Variants in ARID3A observed in about 807,000 individuals in gnomAD.
ARID3A encodes the protein AT-rich interactive domain-containing protein 3A.
In ARID3A, 11 loss-of-function variants were observed where a neutral mutation model predicts 52.7. The observed-to-expected ratio is 0.21, with a 90% CI of 0.13 to 0.35. The LOEUF is 0.35. Ranked by LOEUF, ARID3A falls within the 10% of genes least tolerant of loss-of-function variation. The pLI is 1.00. For missense variants in ARID3A, 721 were observed against 838.5 expected (o/e 0.86, Z 1.73); for synonymous variants, 404 against 359.4 (o/e 1.12, Z -1.40).
intron 8 of ARID3A, 151 bp downstream of exon 8, chr19:968,654 G>C: frequency 1.6e-6 from 1 of 644,570 alleles, no homozygotes; most frequent in Non-Finnish European, 2.7e-6. Context: ...AAACAGTCAA[G>C]ACTGATGGAG....
In ARID3A at chr19:975,763, CAAA is replaced by C. The variant is rs151219876; in HGVS notation, c.*3710_*3712del. The C allele has an allele frequency of 3.8e-4, 58 of 154,286 alleles. No homozygotes were observed. The highest frequency in any genetic ancestry group is 5.5e-4 in the Non-Finnish European group (41 of 74,892). The allele number at this position is 154,286 out of a possible 1,614,324, so 9.6% of individuals were successfully genotyped here. ...AAAAAAAAAAAAAAGACAAAAAGAC[CAAA>C]AAAAAAAAAAAGTGTGATTTTGAAA... is the stretch of plus-strand genomic sequence containing the variant. On this transcript the variant is annotated 3_prime_UTR_variant, in exon 9 of 9. Transcript: ENST00000263620.
chr19:953,137 G>A (rs546279472), intron 3 of ARID3A, among the ~76,000 whole-genome samples: 2 of 152,102 alleles, frequency 1.3e-5, no homozygotes, highest in East Asian at 1.9e-4. Context: ...CCTGGTTCTA[G>A]GGGTGGTCCG....
rs1431183680 is a variant in ARID3A, at chr19:944,652, G to A, written c.693+11910G>A. On this transcript the variant is annotated intron_variant, in intron 3 of 8. Coordinates refer to ENST00000263620, the MANE Select transcript of ARID3A (RefSeq NM_005224.3). This position sits in a 1 kb window ranked among gnomAD's most constrained non-coding sequence, Gnocchi z 5.9. ...TTTCGGGGGTGGATTTTGAGACAGGGTCTCGTGCTGTCACCCAGGCTGGAG... is the reference window on the plus strand; with the variant it reads ...TTTCGGGGGTGGATTTTGAGACAGGATCTCGTGCTGTCACCCAGGCTGGAG... Among the ~76,000 whole-genome samples, 1 of 152,138 alleles carries A rather than the reference G, an allele frequency of 6.6e-6. No homozygotes were observed. Among genetic ancestry groups the A allele is most frequent in the Non-Finnish European group, 1.5e-5 (1 of 68,016 alleles).
rs577063397 is a variant in ARID3A, at chr19:970,269, C to T, written c.1595-1609C>T. The stretch of plus-strand genomic sequence containing the variant: ...CGAAGGTTGCAGTGAGCCGAGATCG[C>T]GCCACCGCACTCCAGCCTGTGCAAT... On this transcript the variant is annotated intron_variant, in intron 8 of 8. Transcript: ENST00000263620. Among the ~76,000 whole-genome samples, 17 of 151,874 alleles carry T rather than the reference C, an allele frequency of 1.1e-4. No individual in the cohort carries two copies. The South Asian group carries it at 2.9e-3, about 26-fold the overall frequency.
intron 1 of ARID3A, among the ~76,000 whole-genome samples, chr19:927,634 G>A (rs1231819524): frequency 2.8e-5 from 4 of 141,688 alleles, no homozygotes; most frequent in African/African-American, 1.0e-4. Flanking sequence ...TGGGGGAGGG[G>A]CGACAGACCC....
chr19:949,885 A>G (rs1203094976), intron 3 of ARID3A, among the ~76,000 whole-genome samples: 1 of 149,982 alleles, frequency 6.7e-6, no homozygotes, highest in Non-Finnish European at 1.5e-5. Context: ...CATGTTGGCC[A>G]GGCTGGGACT....
rs914023797 is a variant in ARID3A, at chr19:930,800, C to T, written c.368+904C>T. The stretch of plus-strand genomic sequence containing the variant: ...CTGGGATTACAGGCGTGAGCCACCA[C>T]ACCCGGCCAACTTTGTTTCATCTTA... On this transcript the variant is annotated intron_variant, in intron 2 of 8. Transcript: ENST00000263620. 4.6e-5 allele frequency among the ~76,000 whole-genome samples: 7 copies of T among 151,964 alleles called. No individual in the cohort carries two copies. The East Asian group carries it at 8.0e-4, about 17-fold the overall frequency.
Position 947,821 on chromosome 19 carries a change from C to T in ARID3A, c.694-12271C>T, listed in dbSNP as rs369488660. Among the ~76,000 whole-genome samples the T allele has an allele frequency of 2.6e-4, 40 of 152,354 alleles. No individual in the cohort carries two copies. Among genetic ancestry groups the T allele is most frequent in the African/African-American group, 5.5e-4 (23 of 41,594 alleles). Reference sequence around the variant, plus strand: ...CCCATCAGGGCCGGGGGAGTGGAGCCGGCAGATGTTCGGCCCTGCCCAGAA... The same window carrying T: ...CCCATCAGGGCCGGGGGAGTGGAGCTGGCAGATGTTCGGCCCTGCCCAGAA... On this transcript the variant is annotated intron_variant, in intron 3 of 8. Transcript: ENST00000263620. The surrounding 1 kb of genome is among the most constrained non-coding windows in gnomAD (Gnocchi z 6.3).
chr19:931,446 T>A (rs1555725610), intron 2 of ARID3A, among the ~76,000 whole-genome samples: 1 of 122,114 alleles, frequency 8.2e-6, no homozygotes, highest in Non-Finnish European at 1.6e-5. Context: ...AGTGAGACTG[T>A]GTCTCAAAAA....
At position 974,292 on chromosome 19, in the gene ARID3A, G is replaced by T. The variant is rs1488360943; in HGVS notation, c.*2227G>T. On this transcript the variant is annotated 3_prime_UTR_variant, in exon 9 of 9. Transcript: ENST00000263620. ...CCGTGGACACACACCCCCTTTCCAG[G>T]AGGGGGTGGTGGGCGTCTAGGTTTT... is the stretch of plus-strand genomic sequence containing the variant. The T allele has an allele frequency of 4.4e-6, 1 of 228,432 alleles. No individual in the cohort carries two copies. The highest frequency in any genetic ancestry group is 8.7e-6 in the Non-Finnish European group (1 of 115,088). The allele number at this position is 228,432 out of a possible 1,614,324, so 14.2% of individuals were successfully genotyped here. A position where few individuals can be genotyped will look rare whatever the true frequency, so the allele number is the denominator to read the frequency against.
intron 2 of ARID3A, among the ~76,000 whole-genome samples, chr19:930,354 C>T (rs1328021895): frequency 6.6e-6 from 1 of 151,638 alleles, no homozygotes; most frequent in Non-Finnish European, 1.5e-5. Context: ...GAGCTCAAGA[C>T]CAGCCCGGCC....
At chr19:968,365 A>T (rs1332667425) in intron 7 of ARID3A, 40 bp from the exon 8 acceptor site, 45 of 1,578,124 alleles carry the variant, frequency 2.9e-5, no homozygotes, top group Non-Finnish European at 3.7e-5. Context: ...TCTCAAAAAA[A>T]AAAAGAAAAA....
In ARID3A at chr19:938,930, CTTT is replaced by C. The variant is rs5826711; in HGVS notation, c.693+6204_693+6206del. ...CACATAGATACATTATTTTATCTCTCTTTTTTTTTTTTTTTTTTGAGACGGAGT... is the reference window on the plus strand; with the variant it reads ...CACATAGATACATTATTTTATCTCTCTTTTTTTTTTTTTTTGAGACGGAGT... On this transcript the variant is annotated intron_variant, in intron 3 of 8. Coordinates refer to ENST00000263620, the MANE Select transcript of ARID3A (RefSeq NM_005224.3). This position sits in a 1 kb window ranked among gnomAD's most constrained non-coding sequence, Gnocchi z 4.0. 1.5e-4 allele frequency among the ~76,000 whole-genome samples: 19 copies of C among 128,164 alleles called. No homozygotes were observed. The highest frequency in any genetic ancestry group is 5.5e-4 in the African/African-American group (18 of 32,864). The allele number at this position is 128,164 out of a possible 152,430, so 84.1% of individuals were successfully genotyped here.
chr19:935,724 C>T (rs1382344630), intron 3 of ARID3A, among the ~76,000 whole-genome samples: 1 of 151,512 alleles, frequency 6.6e-6, no homozygotes, highest in Non-Finnish European at 1.5e-5. Context: ...CCTCCTTGGC[C>T]TCCCAAAGTG....
In ARID3A at chr19:941,499, G is replaced by A. The variant is rs570445364; in HGVS notation, c.693+8757G>A. On this transcript the variant is annotated intron_variant, in intron 3 of 8. Transcript: ENST00000263620. The surrounding 1 kb of genome is among the most constrained non-coding windows in gnomAD (Gnocchi z 6.9). ...TTTAGGTCTCTGTGTGCCGAGTGAC[G>A]TGGCAAACTTCCCACGTCCCTGTTT... is the stretch of plus-strand genomic sequence containing the variant. Among the ~76,000 whole-genome samples the A allele has an allele frequency of 2.0e-5, 3 of 152,320 alleles. No individual in the cohort carries two copies. The highest frequency in any genetic ancestry group is 2.1e-4 in the South Asian group (1 of 4,820).
At chr19:937,539 G>A (rs1312174103) in intron 3 of ARID3A, among the ~76,000 whole-genome samples, 1 of 151,846 alleles carries the variant, frequency 6.6e-6, no homozygotes, top group Non-Finnish European at 1.5e-5. Flanking sequence ...ATTACTTTTG[G>A]GTGTGTATCT....
At chr19:966,964 TAAG>T in intron 7 of ARID3A, 96 bp downstream of exon 7, 6 of 1,237,624 alleles carry the variant, frequency 4.8e-6, no homozygotes, top group South Asian at 1.8e-5. Context: ...AACAAATCAA[TAAG>T]AAAAAAAAAG....
chr19:969,151 A>C (rs999960240), intron 8 of ARID3A, among the ~76,000 whole-genome samples: 4 of 151,932 alleles, frequency 2.6e-5, no homozygotes, highest in African/African-American at 7.3e-5. Flanking sequence ...TTGTGGGTAC[A>C]TAGTAGGTAT....
chr19:952,796 G>A (rs929860234), intron 3 of ARID3A, among the ~76,000 whole-genome samples: 1 of 152,094 alleles, frequency 6.6e-6, no homozygotes, highest in African/African-American at 2.4e-5. Flanking sequence ...CCTGCAGACA[G>A]GCGGTTTCTT....
Sources: allele counts gnomAD v4.1 joint callset (sites outside exome capture counted in the v4.1 genomes callset), GRCh38; gene constraint gnomAD v4.1.1; non-coding constraint Gnocchi (gnomAD v3.1); transcripts MANE v1.5; gene names NCBI Gene and HGNC (gene_info 2026-07-23, HGNC 2026-07-21).